Variants in MACROD2 observed in about 807,000 individuals in gnomAD.
The protein encoded by MACROD2 is mono-ADP ribosylhydrolase 2.
MACROD2 carries 36 observed loss-of-function variants against 70.4 expected under a neutral mutation model. The ratio of observed to expected loss-of-function variants is 0.51; its 90% confidence interval spans 0.39 to 0.68. The LOEUF (loss-of-function observed/expected upper bound fraction) is 0.68, where lower values mean the gene tolerates loss of function less well. Among genes scored for constraint, MACROD2 ranks in the 30% least tolerant of loss-of-function variants. The pLI, the probability that MACROD2 is intolerant of heterozygous loss-of-function variation, is 0.00. For missense variants in MACROD2, 496 were observed against 538.4 expected, an observed-to-expected ratio of 0.92 and a Z score of 0.78; for synonymous variants, 172 against 178.8, an observed-to-expected ratio of 0.96 and a Z score of 0.30.
chr20:14,092,254 G>T (rs2054160011), intron 3 of MACROD2, among the ~76,000 whole-genome samples: 1 of 152,010 alleles, frequency 6.6e-6, no homozygotes, highest in South Asian at 2.1e-4. Context: ...TTCCCCAAAG[G>T]TTAATTATGT....
intron 2 of MACROD2, chr20:14,053,629 T>G (rs765222604): frequency 6.6e-6 from 1 of 152,302 alleles, no homozygotes; most frequent in African/African-American, 2.4e-5. Flanking sequence ...AATTCTTTAG[T>G]GCTCAAAACC....
rs184215497 is a variant in MACROD2 at position 14,730,760 on chromosome 20, G to A, written c.418+45801G>A. On this transcript the variant is annotated intron_variant, in intron 5 of 17. Transcript: ENST00000684519. ...ACTGTATAAACCAATAATAGCATCC[G>A]TTCATAAGATTCAAAAACAGATAAA... Among the ~76,000 whole-genome samples, 152 of 151,884 alleles carry A rather than the reference G, an allele frequency of 1.0e-3. 1 individual carries two copies. The highest frequency in any genetic ancestry group is 3.3e-3 in the African/African-American group (136 of 41,408).
chr20:15,607,949 G>A (rs1050596110), intron 8 of MACROD2, among the ~76,000 whole-genome samples: 2 of 152,182 alleles, frequency 1.3e-5, no homozygotes, highest in African/African-American at 4.8e-5. Flanking sequence ...TTCAAGAAGT[G>A]TCATCTGAGT....
chr20:15,152,295 G>T (rs552703061), intron 5 of MACROD2, among the ~76,000 whole-genome samples: 3 of 151,868 alleles, frequency 2.0e-5, no homozygotes, highest in African/African-American at 7.3e-5. Context: ...GGGAGAAGGA[G>T]GAATGGAAGG....
At chr20:14,934,442 C>A (rs1028528846) in intron 5 of MACROD2, among the ~76,000 whole-genome samples, 1 of 152,098 alleles carries the variant, frequency 6.6e-6, no homozygotes, top group East Asian at 1.9e-4. Flanking sequence ...ATCAGACCAT[C>A]AATTGTGGTC....
chr20:15,159,224 G>GA (rs1473653808), intron 5 of MACROD2, among the ~76,000 whole-genome samples: 2 of 151,992 alleles, frequency 1.3e-5, no homozygotes, highest in Non-Finnish European at 2.9e-5. Flanking sequence ...GCCACTGGGG[G>GA]AAAAATGTGT....
intron 2 of MACROD2, among the ~76,000 whole-genome samples, chr20:14,035,149 G>A (rs2053292465): frequency 6.6e-6 from 1 of 152,182 alleles, no homozygotes; most frequent in Non-Finnish European, 1.5e-5. Flanking sequence ...TTTATAGGTA[G>A]ATGATAAAAG....
At chr20:15,467,303 T>C (rs1402407637) in intron 7 of MACROD2, among the ~76,000 whole-genome samples, 1 of 152,260 alleles carries the variant, frequency 6.6e-6, no homozygotes, top group Non-Finnish European at 1.5e-5. Flanking sequence ...GCTGTAGCCC[T>C]AGCTGTCCAC....
intron 8 of MACROD2, among the ~76,000 whole-genome samples, chr20:15,567,471 C>G (rs1046945553): frequency 1.3e-5 from 2 of 152,132 alleles, no homozygotes; most frequent in Non-Finnish European, 2.9e-5. Context: ...ATAGAGAATG[C>G]GAATACCTCC....
chr20:15,813,179 C>T (rs1420360950), intron 8 of MACROD2, among the ~76,000 whole-genome samples: 1 of 152,162 alleles, frequency 6.6e-6, no homozygotes, highest in Non-Finnish European at 1.5e-5. Flanking sequence ...TTTATAGAAA[C>T]CCAACTTGAA....
intron 2 of MACROD2, among the ~76,000 whole-genome samples, chr20:14,041,850 C>T (rs1331277725): frequency 1.3e-5 from 2 of 152,060 alleles, no homozygotes; most frequent in African/African-American, 4.8e-5. Flanking sequence ...ACACTAAGAG[C>T]AGAGTCTGCT....
At chr20:14,412,426 G>A (rs2083759877) in intron 3 of MACROD2, among the ~76,000 whole-genome samples, 1 of 137,464 alleles carries the variant, frequency 7.3e-6, no homozygotes, top group Admixed American at 7.5e-5. Flanking sequence ...ATTCATAGGA[G>A]CCACAGAAGA....
intron 15 of MACROD2, among the ~76,000 whole-genome samples, chr20:16,026,448 G>A (rs2067081909): frequency 6.6e-6 from 1 of 152,198 alleles, no homozygotes; most frequent in Non-Finnish European, 1.5e-5. Context: ...AGATGTTTGA[G>A]TCCATTACTT....
chr20:14,706,086 C>T (rs553080363), intron 5 of MACROD2, among the ~76,000 whole-genome samples: 8 of 152,140 alleles, frequency 5.3e-5, no homozygotes, highest in Non-Finnish European at 1.0e-4. Context: ...GAGGCCAAGG[C>T]GGGTGGATCA....
At chr20:14,678,664 G>C (rs1470561786) in intron 4 of MACROD2, among the ~76,000 whole-genome samples, 1 of 151,994 alleles carries the variant, frequency 6.6e-6, no homozygotes, top group African/African-American at 2.4e-5. Context: ...GCCTCCCCAG[G>C]GTAGATGTGA....
chr20:15,479,653 T>C (rs1418277095), intron 7 of MACROD2, among the ~76,000 whole-genome samples: 1 of 152,216 alleles, frequency 6.6e-6, no homozygotes, highest in African/African-American at 2.4e-5. Context: ...TGATTGGAGA[T>C]GTGTTTTGTA....
chr20:15,699,439 T>C (rs1169458662), intron 8 of MACROD2, among the ~76,000 whole-genome samples: 4 of 152,228 alleles, frequency 2.6e-5, no homozygotes, highest in Non-Finnish European at 5.9e-5. Context: ...TCTATGGGTC[T>C]CTCAGCCACG....
intron 3 of MACROD2, among the ~76,000 whole-genome samples, chr20:14,454,462 C>A (rs1174716586): frequency 6.6e-6 from 1 of 150,660 alleles, no homozygotes; most frequent in East Asian, 1.9e-4. Context: ...GTATTCAGCT[C>A]TAAGTAACAG....
At chr20:15,977,209 C>T (rs2066319490) in intron 13 of MACROD2, among the ~76,000 whole-genome samples, 1 of 152,186 alleles carries the variant, frequency 6.6e-6, no homozygotes. Context: ...ATGGCCAGTT[C>T]CCTATAGCAA....
Sources: allele counts gnomAD v4.1 joint callset (sites outside exome capture counted in the v4.1 genomes callset), GRCh38; gene constraint gnomAD v4.1.1; transcripts MANE v1.5; gene names NCBI Gene and HGNC (gene_info 2026-07-23, HGNC 2026-07-21).